PPIA: variants seen among roughly 807,000 people sequenced by gnomAD.
PPIA encodes the protein peptidyl-prolyl cis-trans isomerase A.
PPIA carries 2 observed loss-of-function variants against 15.3 expected under a neutral mutation model. The ratio of observed to expected loss-of-function variants is 0.13; its 90% confidence interval spans 0.05 to 0.41. The LOEUF (loss-of-function observed/expected upper bound fraction) is 0.41, where lower values mean the gene tolerates loss of function less well. Ranked by LOEUF, PPIA falls within the 10% of genes least tolerant of loss-of-function variation. PPIA has a pLI of 0.99. For missense variants in PPIA, 103 were observed against 210.3 expected (o/e 0.49, Z 3.16); for synonymous variants, 67 against 73.1 (o/e 0.92, Z 0.43).
At position 44,803,101 on chromosome 7, in the gene PPIA, C is replaced by T. The variant is rs929821514; in HGVS notation, c.*1679C>T. 2.6e-5 allele frequency: 4 copies of T among 152,194 alleles called. No individual in the cohort carries two copies. Among genetic ancestry groups the T allele is most frequent in the African/African-American group, 9.6e-5 (4 of 41,452 alleles). 9.4% of individuals were successfully genotyped at this position (152,194 alleles called of 1,614,324 possible). On this transcript the variant is annotated 3_prime_UTR_variant, in exon 5 of 5. Coordinates refer to ENST00000468812, the MANE Select transcript of PPIA (RefSeq NM_021130.5). ...CTGAGTGCAAGGTGGAAATAAACAT[C>T]AAACATCTTTTCATTATCCCTAGTA...
In PPIA at chr7:44,799,987, C is replaced by T. The variant is rs1792497449; in HGVS notation, c.362+113C>T. 4 of 1,077,392 alleles carry T rather than the reference C, an allele frequency of 3.7e-6. No homozygotes were observed. The Admixed American group carries it at 8.6e-5, about 23-fold the overall frequency. The allele number at this position is 1,077,392 out of a possible 1,614,324, so 66.7% of individuals were successfully genotyped here. A position where few individuals can be genotyped will look rare whatever the true frequency, so the allele number is the denominator to read the frequency against. On this transcript the variant is annotated intron_variant, in intron 4 of 4. Coordinates refer to ENST00000468812, the MANE Select transcript of PPIA (RefSeq NM_021130.5). The stretch of plus-strand genomic sequence containing the variant: ...TTTGCTTCCACAGACTTTTTCATCC[C>T]TAAGATACTAGAAGAAGAGCATACA...
At chr7:44,798,768 G>A (rs1401803455) in intron 1 of PPIA, 128 of 988,356 alleles carry the variant, frequency 1.3e-4, no homozygotes, top group Non-Finnish European at 1.5e-4. Context: ...TGGATACCAA[G>A]AAGTGACTGC....
chr7:44,796,805 G>T lies in PPIA; in HGVS notation c.69+12G>T, dbSNP rs1474148928. ...GCGTCTCCTTTGAGGTCGGGCGGGC[G>T]GCGGCGTGCGGGAATGGGGCCCAGA... On this transcript the variant is annotated intron_variant, in intron 1 of 4. Coordinates refer to ENST00000468812, the MANE Select transcript of PPIA (RefSeq NM_021130.5). 1.2e-6 allele frequency: 2 copies of T among 1,601,398 alleles called. No individual in the cohort carries two copies. Among genetic ancestry groups the T allele is most frequent in the South Asian group, 2.2e-5 (2 of 90,636 alleles).
intron 4 of PPIA, among the ~76,000 whole-genome samples, chr7:44,800,165 T>G (rs1792503922): frequency 6.6e-6 from 1 of 152,222 alleles, no homozygotes; most frequent in Non-Finnish European, 1.5e-5. Context: ...CTGGGCTCAC[T>G]GCAACCTCTG....
intron 1 of PPIA, 136 bp downstream of exon 1, chr7:44,796,929 CCTGACGAGGGGCCATTTT>C: frequency 1.0e-6 from 1 of 990,514 alleles, no homozygotes; most frequent in Admixed American, 3.7e-5. Context: ...GGCGCCATTT[CCTGACGAGGGGCCATTTT>C]GGGAGGTCCG....
Position 44,802,116 on chromosome 7 carries a change from T to G in PPIA, c.*694T>G, listed in dbSNP as rs767884699. On this transcript the variant is annotated 3_prime_UTR_variant, in exon 5 of 5. Coordinates refer to ENST00000468812, the MANE Select transcript of PPIA (RefSeq NM_021130.5). ...GTTGGGTCAGTCTGCAGTGAGTTCA[T>G]GCATTTAGAGGTGTTCTTCAAGATG... 1 of 151,768 alleles carries G rather than the reference T, an allele frequency of 6.6e-6. No individual in the cohort carries two copies. Among genetic ancestry groups the G allele is most frequent in the Non-Finnish European group, 1.5e-5 (1 of 68,098 alleles). 9.4% of individuals were successfully genotyped at this position (151,768 alleles called of 1,614,324 possible).
intron 4 of PPIA, chr7:44,800,398 CT>C (rs57466816): frequency 0.38 from 53,490 of 142,094 alleles, 10,634 homozygotes; most frequent in Non-Finnish European, 0.48. Context: ...CAATTAAGTG[CT>C]TTTTTTTTTT....
chr7:44,800,948 G>C (rs1792537315), intron 4 of PPIA, among the ~76,000 whole-genome samples: 1 of 152,092 alleles, frequency 6.6e-6, no homozygotes, highest in South Asian at 2.1e-4. Context: ...CTCCCGAGTA[G>C]CTGGGACTAT....
At chr7:44,799,951 T>G in intron 4 of PPIA, 77 bp downstream of exon 4, 1 of 1,459,616 alleles carries the variant, frequency 6.9e-7, no homozygotes, top group Non-Finnish European at 9.4e-7. Flanking sequence ...AAACACTACT[T>G]TTCTTCAACC....
rs1792598657 is a variant in PPIA, at chr7:44,802,505, A to G, written c.*1083A>G. On this transcript the variant is annotated 3_prime_UTR_variant, in exon 5 of 5. Coordinates refer to ENST00000468812, the MANE Select transcript of PPIA (RefSeq NM_021130.5). ...CTGTTGATGTTCTTGAGGGAAGCAT[A>G]TTGGGCTTTAGGCTGTAGGTCAAGT... The G allele has an allele frequency of 6.6e-6, 1 of 152,070 alleles. No individual in the cohort carries two copies. The highest frequency in any genetic ancestry group is 1.5e-5 in the Non-Finnish European group (1 of 68,036). 9.4% of individuals were successfully genotyped at this position (152,070 alleles called of 1,614,324 possible).
rs1269764517 is a variant in PPIA, at chr7:44,796,723, C to T, written c.-2C>T. The T allele has an allele frequency of 3.7e-6, 6 of 1,610,754 alleles. No homozygotes were observed. The highest frequency in any genetic ancestry group is 5.1e-6 in the Non-Finnish European group (6 of 1,178,978). On this transcript the variant is annotated 5_prime_UTR_variant, in exon 1 of 5. Coordinates refer to ENST00000468812, the MANE Select transcript of PPIA (RefSeq NM_021130.5). ...GCCGAGGAAAACCGTGTACTATTAG[C>T]CATGGTCAACCCCACCGTGTTCTTC... is the stretch of plus-strand genomic sequence containing the variant.
intron 1 of PPIA, 154 bp from the exon 2 acceptor site, chr7:44,799,093 C>A: frequency 1.8e-6 from 2 of 1,104,016 alleles, no homozygotes; most frequent in Non-Finnish European, 2.5e-6. Context: ...CCTGCAGGGC[C>A]TTATGGCTGT....
chr7:44,800,126 G>A, intron 4 of PPIA: 1 of 482,272 alleles, frequency 2.1e-6, no homozygotes, highest in South Asian at 2.2e-5. Flanking sequence ...GTTTTGCTCT[G>A]TTGCCAGGTT....
chr7:44,797,296 G>A (rs1393160833), intron 1 of PPIA, among the ~76,000 whole-genome samples: 1 of 152,226 alleles, frequency 6.6e-6, no homozygotes, highest in African/African-American at 2.4e-5. Flanking sequence ...TCGAGGCGCG[G>A]TGTGAGCCCG....
chr7:44,797,218 C>T (rs1057360661), intron 1 of PPIA, among the ~76,000 whole-genome samples: 6 of 152,150 alleles, frequency 3.9e-5, no homozygotes, highest in Admixed American at 6.6e-5. Context: ...GGAAGCTGTC[C>T]CCTGGCAGGC....
chr7:44,801,210 T>C, intron 4 of PPIA, 77 bp from the exon 5 acceptor site: 12 of 1,488,106 alleles, frequency 8.1e-6, no homozygotes, highest in Non-Finnish European at 1.0e-5. Flanking sequence ...AAAGCTACCT[T>C]TCTCGTCTTG....
Position 44,801,504 on chromosome 7 carries a change from G to T in PPIA, c.*82G>T, listed in dbSNP as rs961971571. On this transcript the variant is annotated 3_prime_UTR_variant, in exon 5 of 5. Transcript: ENST00000468812. ...CACCCCTCCACCCCATTTGCTCGCA[G>T]TATCCTAGAATCTTTGTGCTCTCGC... is the stretch of plus-strand genomic sequence containing the variant. 1.0e-5 allele frequency: 11 copies of T among 1,084,338 alleles called. No individual in the cohort carries two copies. Among genetic ancestry groups the T allele is most frequent in the Non-Finnish European group, 1.5e-5 (11 of 742,832 alleles). 67.2% of individuals were successfully genotyped at this position (1,084,338 alleles called of 1,614,324 possible).
intron 4 of PPIA, 74 bp downstream of exon 4, chr7:44,799,948 A>T: frequency 1.4e-6 from 2 of 1,465,084 alleles, no homozygotes; most frequent in Non-Finnish European, 1.9e-6. Flanking sequence ...AACAAACACT[A>T]CTTTTCTTCA....
At chr7:44,797,061 G>A (rs1411099659) in intron 1 of PPIA, among the ~76,000 whole-genome samples, 2 of 152,188 alleles carry the variant, frequency 1.3e-5, no homozygotes, top group Non-Finnish European at 2.9e-5. Context: ...GCCTCATGTG[G>A]CCGCGCCCTG....
Sources: allele counts gnomAD v4.1 joint callset (sites outside exome capture counted in the v4.1 genomes callset), GRCh38; gene constraint gnomAD v4.1.1; transcripts MANE v1.5; gene names NCBI Gene and HGNC (gene_info 2026-07-23, HGNC 2026-07-21).